P4HA2: variants seen among roughly 807,000 people sequenced by gnomAD.
P4HA2 encodes the protein prolyl 4-hydroxylase subunit alpha-2.
In P4HA2, 46 loss-of-function variants were observed where a neutral mutation model predicts 76.9. The ratio of observed to expected loss-of-function variants is 0.60; its 90% CI spans 0.47 to 0.76. The LOEUF is 0.76. Among genes scored for constraint, P4HA2 ranks in the 30% least tolerant of loss-of-function variants. The pLI is 0.00. For synonymous variants in P4HA2, 243 were observed against 254.0 expected (o/e 0.96, Z 0.41); for missense variants, 583 against 669.4 (o/e 0.87, Z 1.42).
chr5:132,192,954 G>T lies in P4HA2; in HGVS notation c.*56C>A. 1 of 1,076,478 alleles carries T rather than the reference G, an allele frequency of 9.3e-7. No individual in the cohort carries two copies. Among genetic ancestry groups the T allele is most frequent in the Non-Finnish European group, 1.5e-6 (1 of 689,254 alleles). 66.7% of individuals were successfully genotyped at this position (1,076,478 alleles called of 1,614,324 possible). A position where few individuals can be genotyped will look rare whatever the true frequency, so the allele number is the denominator to read the frequency against. ...AACATACAAAGGAACATACAAAGGT[G>T]TCTGTCACGTTGACATGGGCTGAAG... On this transcript the variant is annotated 3_prime_UTR_variant, in exon 15 of 15. Coordinates refer to ENST00000360568, the MANE Select transcript of P4HA2 (RefSeq NM_001017974.2).
At chr5:132,199,960 G>A (rs1751250069) in intron 10 of P4HA2, 1 of 152,318 alleles carries the variant, frequency 6.6e-6, no homozygotes, top group Admixed American at 6.5e-5. Flanking sequence ...CAGCACTTTG[G>A]GAGGCTGAAG....
rs746888081 is a variant in P4HA2 at position 132,210,326 on chromosome 5, G to T, written c.667C>A (p.Leu223Met). 6.2e-7 allele frequency: 1 copy of T among 1,614,094 alleles called. No individual in the cohort carries two copies. The highest frequency in any genetic ancestry group is 1.7e-5 in the Admixed American group (1 of 60,020). Residue 223 changes from leucine to methionine, a missense_variant, in exon 6 of 15, where the codon CTG (leucine) becomes ATG (methionine). Coordinates refer to ENST00000360568, the MANE Select transcript of P4HA2 (RefSeq NM_001017974.2). The part of the protein sequence containing the change: ...LSYAVFQLGD[L>M]HRALELTRRL... ...CGGGTGAGCTCCAGGGCACGGTGCA[G>T]ATCACCCAACTGGAAGACAGCATAG... is the stretch of plus-strand genomic sequence containing the variant.
chr5:132,208,279 T>C (rs977526132), intron 7 of P4HA2, among the ~76,000 whole-genome samples: 1 of 138,128 alleles, frequency 7.2e-6, no homozygotes, highest in African/African-American at 2.8e-5. Context: ...GGCGACAGGG[T>C]GAGACGAAAG....
At chr5:132,225,367 T>C (rs1230050635) in intron 1 of P4HA2, among the ~76,000 whole-genome samples, 1 of 152,174 alleles carries the variant, frequency 6.6e-6, no homozygotes, top group African/African-American at 2.4e-5. Flanking sequence ...TCAGCCAGCG[T>C]GGCCACACAT....
chr5:132,208,900 G>A (rs939172627), intron 7 of P4HA2, among the ~76,000 whole-genome samples: 1 of 152,072 alleles, frequency 6.6e-6, no homozygotes, highest in Non-Finnish European at 1.5e-5. Flanking sequence ...GGGGTAAGGA[G>A]GCGAGCTCAC....
chr5:132,214,873 A>G lies in P4HA2; in HGVS notation c.332-820T>C, dbSNP rs749200332. 1.1e-4 allele frequency among the ~76,000 whole-genome samples: 16 copies of G among 152,324 alleles called. 1 individual carries two copies. In the South Asian group the frequency reaches 2.1e-3, roughly 20 times the overall value. The stretch of plus-strand genomic sequence containing the variant: ...AGCTTTTGACCACAGAAGTACTCCA[A>G]GGAGGCTTTTCTGGGACTCCAAGCC... On this transcript the variant is annotated intron_variant, in intron 4 of 14. Transcript: ENST00000360568.
chr5:132,198,387 C>T lies in P4HA2; in HGVS notation c.1306-7G>A. ...GGCCGCTGTCAAAAGGTCGCTGCAA[C>T]AGACAACAACTTTCACCCAAGTTTA... is the stretch of plus-strand genomic sequence containing the variant. On this transcript the variant is annotated splice_polypyrimidine_tract_variant and splice_region_variant and intron_variant, in intron 11 of 14. Transcript: ENST00000360568. The T allele has an allele frequency of 6.2e-7, 1 of 1,612,706 alleles. No homozygotes were observed. Among genetic ancestry groups the T allele is most frequent in the Non-Finnish European group, 8.5e-7 (1 of 1,179,898 alleles).
chr5:132,218,028 G>A (rs1046747339), intron 2 of P4HA2, 180 bp from the exon 3 acceptor site: 17 of 515,052 alleles, frequency 3.3e-5, no homozygotes, highest in Non-Finnish European at 4.8e-5. Context: ...GCTCTATCTC[G>A]CAACTTCAGG....
intron 4 of P4HA2, among the ~76,000 whole-genome samples, chr5:132,214,577 G>T (rs1171710064): frequency 2.0e-5 from 3 of 152,116 alleles, no homozygotes; most frequent in Non-Finnish European, 1.5e-5. Flanking sequence ...AGCCGAGCTG[G>T]CCACTCATTA....
chr5:132,211,845 T>C (rs534758443), intron 5 of P4HA2, among the ~76,000 whole-genome samples: 22 of 152,308 alleles, frequency 1.4e-4, no homozygotes, highest in African/African-American at 5.1e-4. Context: ...ATAAAGATAA[T>C]ATCATCAATT....
chr5:132,224,300 G>A (rs1755051149), intron 1 of P4HA2, among the ~76,000 whole-genome samples: 2 of 152,202 alleles, frequency 1.3e-5, no homozygotes, highest in Admixed American at 6.5e-5. Flanking sequence ...GGATTCCTCA[G>A]TTTCCCCATG....
chr5:132,192,220 G>A lies in P4HA2; in HGVS notation c.*790C>T, dbSNP rs1411340047. ...GTTCCCAAGGGGCTCCTGAGGTACT[G>A]ACTTGAAAACGTTCTCTTTTCTAAC... is the stretch of plus-strand genomic sequence containing the variant. On this transcript the variant is annotated 3_prime_UTR_variant, in exon 15 of 15. Coordinates refer to ENST00000360568, the MANE Select transcript of P4HA2 (RefSeq NM_001017974.2). 6.6e-6 allele frequency: 1 copy of A among 152,202 alleles called. No homozygotes were observed. Among genetic ancestry groups the A allele is most frequent in the Non-Finnish European group, 1.5e-5 (1 of 68,034 alleles). 9.4% of individuals were successfully genotyped at this position (152,202 alleles called of 1,614,324 possible).
chr5:132,223,729 A>G (rs571014918), intron 1 of P4HA2, among the ~76,000 whole-genome samples: 4 of 152,134 alleles, frequency 2.6e-5, no homozygotes, highest in Non-Finnish European at 5.9e-5. Flanking sequence ...TCTCACCCAA[A>G]CCTTCTAAGC....
rs189889054 is a variant in P4HA2, at chr5:132,190,419, C to T, written c.*2591G>A. ...TGGAAGCCACTAGAGGGAGATTAGA[C>T]GGCAGTAGATAGCAATTGCCCTAGA... On this transcript the variant is annotated 3_prime_UTR_variant, in exon 15 of 15. Coordinates refer to ENST00000360568, the MANE Select transcript of P4HA2 (RefSeq NM_001017974.2). 5.3e-5 allele frequency among the ~76,000 whole-genome samples: 8 copies of T among 152,244 alleles called. 1 individual carries two copies. The South Asian group carries it at 6.2e-4, about 12-fold the overall frequency.
chr5:132,218,747 A>C, intron 1 of P4HA2, 103 bp from the exon 2 acceptor site: 1 of 686,418 alleles, frequency 1.5e-6, no homozygotes, highest in East Asian at 2.8e-5. Flanking sequence ...ATAATCAAAC[A>C]TATCAAAATC....
intron 12 of P4HA2, among the ~76,000 whole-genome samples, chr5:132,197,419 C>G (rs769153797): frequency 6.6e-6 from 1 of 152,032 alleles, no homozygotes; most frequent in Admixed American, 6.5e-5. Context: ...ACCAGCCTGG[C>G]CAACATGGTG....
chr5:132,210,001 T>C (rs1258105732), intron 6 of P4HA2, among the ~76,000 whole-genome samples: 1 of 152,182 alleles, frequency 6.6e-6, no homozygotes, highest in Non-Finnish European at 1.5e-5. Context: ...TAGTCCTGCA[T>C]GGTGACAGAT....
At chr5:132,204,475 T>C (rs543848578) in intron 8 of P4HA2, among the ~76,000 whole-genome samples, 1 of 152,302 alleles carries the variant, frequency 6.6e-6, no homozygotes, top group African/African-American at 2.4e-5. Flanking sequence ...GCCCCTTTCC[T>C]TGCCAGGCCC....
In P4HA2 at chr5:132,191,091, T is replaced by C. The variant is rs2126514388; in HGVS notation, c.*1919A>G. Among the ~76,000 whole-genome samples the C allele has an allele frequency of 6.6e-6, 1 of 152,348 alleles. No homozygotes were observed. Among genetic ancestry groups the C allele is most frequent in the Admixed American group, 6.5e-5 (1 of 15,312 alleles). ...GGTTCATAGACAGGCATCTTCTTGC[T>C]GTGTGTTCGCATGGCAGAAAGAGGG... On this transcript the variant is annotated 3_prime_UTR_variant, in exon 15 of 15. Transcript: ENST00000360568.
Sources: allele counts gnomAD v4.1 joint callset (sites outside exome capture counted in the v4.1 genomes callset), GRCh38; gene constraint gnomAD v4.1.1; transcripts MANE v1.5; gene names NCBI Gene and HGNC (gene_info 2026-07-23, HGNC 2026-07-21).